PRDM16: variants seen among roughly 807,000 people sequenced by gnomAD.
The protein encoded by PRDM16 is PR/SET domain 16, also known as histone-lysine N-methyltransferase PRDM16.
PRDM16 carries 23 observed loss-of-function variants against 110.6 expected under a neutral mutation model. That is an observed-to-expected ratio of 0.21 (90% confidence interval 0.15 to 0.29). The LOEUF is 0.29. Among genes scored for constraint, PRDM16 ranks in the 10% least tolerant of loss-of-function variants. The pLI is 1.00. For missense variants in PRDM16, 1,615 were observed against 1,794.3 expected (o/e 0.90, Z 1.81); for synonymous variants, 799 against 781.8 (o/e 1.02, Z -0.37).
At chr1:3,098,651 T>C (rs1239480763) in intron 1 of PRDM16, among the ~76,000 whole-genome samples, 1 of 152,194 alleles carries the variant, frequency 6.6e-6, no homozygotes, top group Non-Finnish European at 1.5e-5. Flanking sequence ...CCTTCTAAAA[T>C]GCCTCAGTTT....
intron 3 of PRDM16, among the ~76,000 whole-genome samples, chr1:3,277,070 C>T (rs1295931818): frequency 2.0e-5 from 3 of 152,144 alleles, no homozygotes; most frequent in East Asian, 1.9e-4. Flanking sequence ...CCCAGGACCC[C>T]GTTGGCATGA....
intron 1 of PRDM16, among the ~76,000 whole-genome samples, chr1:3,093,814 C>T (rs1261965654): frequency 6.6e-6 from 1 of 152,206 alleles, no homozygotes; most frequent in African/African-American, 2.4e-5. Context: ...CAATGTAGCC[C>T]AGCTCCGAAG....
At chr1:3,277,771 A>ACG (rs1557576430) in intron 3 of PRDM16, among the ~76,000 whole-genome samples, 1 of 144,552 alleles carries the variant, frequency 6.9e-6, no homozygotes, top group African/African-American at 2.7e-5. Flanking sequence ...ACACGCGCAC[A>ACG]CACACGCACA....
At chr1:3,231,559 G>A (rs1639417038) in intron 2 of PRDM16, among the ~76,000 whole-genome samples, 1 of 152,242 alleles carries the variant, frequency 6.6e-6, no homozygotes, top group Non-Finnish European at 1.5e-5. Flanking sequence ...GCTGGCTTGG[G>A]GCCCAGGATT....
At chr1:3,258,108 G>A (rs936096957) in intron 3 of PRDM16, among the ~76,000 whole-genome samples, 4 of 152,158 alleles carry the variant, frequency 2.6e-5, no homozygotes, top group African/African-American at 9.7e-5. Flanking sequence ...CTCCAGCTGT[G>A]AGGATCCAAA....
Position 3,265,724 on chromosome 1 carries a change from A to G in PRDM16, c.438+21587A>G, listed in dbSNP as rs114888452. Among the ~76,000 whole-genome samples the G allele has an allele frequency of 0.016, 2,482 of 152,150 alleles. 79 individuals carry two copies. The highest frequency in any genetic ancestry group is 0.056 in the African/African-American group (2,314 of 41,486). ...TGAGGATGGGAGCTGACTGTGGTTA[A>G]TCAGGAGGTCACAGTTAGCCCCAGC... On this transcript the variant is annotated intron_variant, in intron 3 of 16. Coordinates refer to ENST00000270722, the MANE Select transcript of PRDM16 (RefSeq NM_022114.4). The surrounding 1 kb of genome is among the most constrained non-coding windows in gnomAD (Gnocchi z 4.5).
At chr1:3,352,727 C>A (rs1642518931) in intron 3 of PRDM16, among the ~76,000 whole-genome samples, 1 of 152,224 alleles carries the variant, frequency 6.6e-6, no homozygotes, top group Admixed American at 6.5e-5. Context: ...ATAAAATTAT[C>A]CTAAACAGAA....
At chr1:3,220,720 TG>T (rs1375618413) in intron 2 of PRDM16, among the ~76,000 whole-genome samples, 1 of 152,196 alleles carries the variant, frequency 6.6e-6, no homozygotes, top group Non-Finnish European at 1.5e-5. Flanking sequence ...ATGACAGGTG[TG>T]CAGGGGCCTG....
intron 1 of PRDM16, among the ~76,000 whole-genome samples, chr1:3,125,752 G>A (rs901566079): frequency 6.6e-6 from 1 of 152,352 alleles, no homozygotes; most frequent in South Asian, 2.1e-4. Context: ...TCTGCGCGGG[G>A]GGCACTGACC....
intron 1 of PRDM16, among the ~76,000 whole-genome samples, chr1:3,110,245 G>A (rs1418438060): frequency 1.5e-5 from 2 of 136,606 alleles, no homozygotes; most frequent in Non-Finnish European, 3.1e-5. Flanking sequence ...TGGGTGTGGG[G>A]ACACAGTGGC....
intron 3 of PRDM16, among the ~76,000 whole-genome samples, chr1:3,356,384 C>A (rs563748636): frequency 8.0e-4 from 121 of 152,160 alleles, no homozygotes; most frequent in Non-Finnish European, 1.5e-3. Flanking sequence ...TCTCATCAGG[C>A]GGAGGGAGGT....
chr1:3,227,928 C>T (rs143881404), intron 2 of PRDM16, among the ~76,000 whole-genome samples: 82 of 152,320 alleles, frequency 5.4e-4, no homozygotes, highest in African/African-American at 1.8e-3. Context: ...GACCTACACC[C>T]GAGTGGGTCG....
chr1:3,248,898 C>G (rs1639858651), intron 3 of PRDM16, among the ~76,000 whole-genome samples: 1 of 152,198 alleles, frequency 6.6e-6, no homozygotes, highest in Non-Finnish European at 1.5e-5. Context: ...GGGTCCCTCC[C>G]GTGGGGACTG....
In PRDM16 at chr1:3,181,473, C is replaced by A. The variant is rs1459189951; in HGVS notation, c.38-4652C>A. ...ACGGTCTTACACACGGTCTTACACA[C>A]GCAGTCTTACACACAGCCTTACGCA... On this transcript the variant is annotated intron_variant, in intron 1 of 16. Coordinates refer to ENST00000270722, the MANE Select transcript of PRDM16 (RefSeq NM_022114.4). Among the ~76,000 whole-genome samples, 43 of 41,046 alleles carry A rather than the reference C, an allele frequency of 1.0e-3. 11 individuals carry two copies. The highest frequency in any genetic ancestry group is 1.7e-3 in the African/African-American group (34 of 19,960). The allele number at this position is 41,046 out of a possible 152,430, so 26.9% of individuals were successfully genotyped here. A position where few individuals can be genotyped will look rare whatever the true frequency, so the allele number is the denominator to read the frequency against.
At chr1:3,329,377 T>C (rs1641995074) in intron 3 of PRDM16, among the ~76,000 whole-genome samples, 1 of 151,838 alleles carries the variant, frequency 6.6e-6, no homozygotes, top group African/African-American at 2.4e-5. Flanking sequence ...CCCCACCCCT[T>C]CCCGACTGTG....
chr1:3,070,495 A>T (rs1460189972), intron 1 of PRDM16, among the ~76,000 whole-genome samples: 1 of 149,798 alleles, frequency 6.7e-6, no homozygotes, highest in Non-Finnish European at 1.5e-5. Context: ...CGCGGAGCGG[A>T]ATCGGCGCCG....
At chr1:3,110,264 C>T (rs1166356475) in intron 1 of PRDM16, among the ~76,000 whole-genome samples, 1 of 143,498 alleles carries the variant, frequency 7.0e-6, no homozygotes, top group African/African-American at 2.6e-5. Context: ...GCTGTGGCTC[C>T]CCTATGTCCT....
chr1:3,379,021 T>C (rs1343057315), intron 3 of PRDM16, among the ~76,000 whole-genome samples: 2 of 151,662 alleles, frequency 1.3e-5, no homozygotes, highest in East Asian at 1.9e-4. Flanking sequence ...CTGACTGTGA[T>C]AGCAGACACA....
chr1:3,235,209 G>A (rs942274414), intron 2 of PRDM16, among the ~76,000 whole-genome samples: 6 of 152,162 alleles, frequency 3.9e-5, no homozygotes, highest in Non-Finnish European at 5.9e-5. Flanking sequence ...CCAGGCCCTC[G>A]GAAGCTCTGA....
Sources: allele counts gnomAD v4.1 joint callset (sites outside exome capture counted in the v4.1 genomes callset), GRCh38; gene constraint gnomAD v4.1.1; non-coding constraint Gnocchi (gnomAD v3.1); transcripts MANE v1.5; gene names NCBI Gene and HGNC (gene_info 2026-07-23, HGNC 2026-07-21).